SLC12A3: variants seen among roughly 807,000 people sequenced by gnomAD.
SLC12A3 encodes the protein solute carrier family 12 member 3.
SLC12A3 carries 104 observed loss-of-function variants against 121.0 expected under a neutral mutation model. That is an observed-to-expected ratio of 0.86 (90% confidence interval 0.73 to 1.01). The LOEUF is 1.01. Among genes scored for constraint, SLC12A3 ranks in the 50% least tolerant of loss-of-function variants. The pLI is 0.00. For synonymous variants in SLC12A3, 536 were observed against 533.4 expected, an observed-to-expected ratio of 1.00 and a Z score of -0.07; for missense variants, 1,328 against 1,356.3, an observed-to-expected ratio of 0.98 and a Z score of 0.33.
At chr16:56,894,454 A>T in intron 21 of SLC12A3, 77 bp from the exon 22 acceptor site, 1 of 1,009,548 alleles carries the variant, frequency 9.9e-7, no homozygotes, top group Non-Finnish European at 1.5e-6. Context: ...TGCTAATGGC[A>T]GAGCGGGGCA....
In SLC12A3 at chr16:56,889,634, C is replaced by T. The variant is rs1411937007; in HGVS notation, c.2286-640C>T. The stretch of plus-strand genomic sequence containing the variant: ...GATTACAGGTGCCCACCACCACGCC[C>T]GGCTAATTTTTGTACGTTTTAGTAG... On this transcript the variant is annotated intron_variant, in intron 18 of 25. Transcript: ENST00000563236. Among the ~76,000 whole-genome samples the T allele has an allele frequency of 3.9e-5, 6 of 152,256 alleles. No individual in the cohort carries two copies. The East Asian group carries it at 5.8e-4, about 15-fold the overall frequency.
Position 56,886,438 on chromosome 16 carries a change from G to A in SLC12A3, c.2000G>A (p.Arg667Gln), listed in dbSNP as rs753341636. The change falls in exon 16 of 26, where the codon CGG becomes CAG. Residue 667 changes from arginine to glutamine, a missense_variant. Arg to Gln is a conservative substitution (Grantham distance 43). Transcript: ENST00000563236. The part of the protein sequence containing the change: ...ALVDFVGTFT[R>Q]NLSLMICGHV... ...GTGGACTTTGTGGGCACCTTCACCC[G>A]GAACCTCAGCCTGATGATCTGTGGC... The A allele has an allele frequency of 2.6e-5, 42 of 1,613,918 alleles. No individual in the cohort carries two copies. Among genetic ancestry groups the A allele is most frequent in the African/African-American group, 9.3e-5 (7 of 74,934 alleles).
intron 8 of SLC12A3, among the ~76,000 whole-genome samples, chr16:56,874,103 C>T (rs143806001): frequency 1.5e-4 from 23 of 152,332 alleles, no homozygotes; most frequent in African/African-American, 4.8e-4. Context: ...TTGGGCCAAA[C>T]GCGTATCTGT....
At chr16:56,880,081 G>C (rs1316611663) in intron 11 of SLC12A3, 49 bp from the exon 12 acceptor site, 1 of 1,593,572 alleles carries the variant, frequency 6.3e-7, no homozygotes, top group African/African-American at 1.3e-5. Flanking sequence ...CAGGGGAGGG[G>C]AAGTGGCAGG....
At position 56,904,471 on chromosome 16, in the gene SLC12A3, T is replaced by A; in HGVS notation, c.2924+9T>A. ...GCTGCTCTCATCGTCATGTAAGTAG[T>A]GCCCGGCTGGTGGGAGGACCAGTCT... On this transcript the variant is annotated intron_variant, in intron 25 of 25. Coordinates refer to ENST00000563236, the MANE Select transcript of SLC12A3 (RefSeq NM_001126108.2). 6.2e-7 allele frequency: 1 copy of A among 1,613,392 alleles called. No homozygotes were observed. The highest frequency in any genetic ancestry group is 8.5e-7 in the Non-Finnish European group (1 of 1,179,396).
rs201871800 is a variant in SLC12A3, at chr16:56,870,685, G to A, written c.801G>A (p.Ser267=). The change falls in exon 6 of 26, where the codon TCG becomes TCA. Residue 267 remains serine (S), a synonymous_variant. Coordinates refer to ENST00000563236, the MANE Select transcript of SLC12A3 (RefSeq NM_001126108.2). ...ACATCCGCATCATTGCCGTGGTCTC[G>A]GTCACTGTGCTGCTGGCCATCTCCC... ...INDIRIIAVV[S]VTVLLAISLA... 42 of 1,614,014 alleles carry A rather than the reference G, an allele frequency of 2.6e-5. No individual in the cohort carries two copies. Among genetic ancestry groups the A allele is most frequent in the East Asian group, 2.5e-4 (11 of 44,884 alleles).
chr16:56,903,992 A>G (rs1044310686), intron 24 of SLC12A3, among the ~76,000 whole-genome samples: 1 of 152,170 alleles, frequency 6.6e-6, no homozygotes, highest in Non-Finnish European at 1.5e-5. Context: ...ATCCTCCCCA[A>G]ATTCCCCTGG....
At chr16:56,899,506 A>G (rs1207864984) in intron 22 of SLC12A3, 24 bp from the exon 23 acceptor site, 1 of 1,586,344 alleles carries the variant, frequency 6.3e-7, no homozygotes, top group East Asian at 2.2e-5. Context: ...AGTAATAACA[A>G]TAAACCCTCC....
intron 8 of SLC12A3, among the ~76,000 whole-genome samples, chr16:56,874,851 GTGAAGCCAGCGT>G (rs2055146358): frequency 6.6e-6 from 1 of 152,180 alleles, no homozygotes; most frequent in East Asian, 1.9e-4. Flanking sequence ...GGAGTCGACT[GTGAAGCCAGCGT>G]GGCTTTAAGC....
intron 25 of SLC12A3, among the ~76,000 whole-genome samples, chr16:56,908,161 C>CTTTTTTTTTTTTTTTTTTTTTTTTTTTTT (rs55644914): frequency 2.0e-4 from 19 of 96,962 alleles, no homozygotes; most frequent in East Asian, 2.7e-4. Context: ...AGTGATATAA[C>CTTTTTTTTTTTTTTTTTTTTTTTTTTTTT]TTTTTTTTTT....
At chr16:56,892,811 G>T in intron 20 of SLC12A3, 142 bp from the exon 21 acceptor site, 1 of 682,722 alleles carries the variant, frequency 1.5e-6, no homozygotes. Context: ...TCACAGCACT[G>T]AGCGTCCTGG....
At chr16:56,885,049 G>A (rs1168330497) in intron 14 of SLC12A3, among the ~76,000 whole-genome samples, 3 of 152,182 alleles carry the variant, frequency 2.0e-5, no homozygotes, top group Admixed American at 1.3e-4. Flanking sequence ...TTACAGGTGT[G>A]AGCCACCGTG....
At position 56,872,783 on chromosome 16, in the gene SLC12A3, C is replaced by T. The variant is rs1567429099; in HGVS notation, c.1092C>T (p.Leu364=). The T allele has an allele frequency of 1.2e-6, 2 of 1,614,214 alleles. No homozygotes were observed. The highest frequency in any genetic ancestry group is 1.1e-5 in the South Asian group (1 of 91,088). ...CAGGGGCCAACATATCTGGTGACCT[C>T]AAGGTGAGCAGAATACTTGCCCCTC... ...ILAGANISGD[L]KDPAIAIPKG... is the part of the protein sequence containing the mutation. The change falls in exon 8 of 26, where the codon CTC becomes CTT. Residue 364 remains leucine (L), a synonymous_variant. Transcript: ENST00000563236.
chr16:56,908,106 G>C (rs1444554545), intron 25 of SLC12A3, among the ~76,000 whole-genome samples: 1 of 130,032 alleles, frequency 7.7e-6, no homozygotes, highest in Non-Finnish European at 1.6e-5. Flanking sequence ...GTGCCAGTGT[G>C]TGCTTTTTTT....
At chr16:56,876,759 GC>G (rs1405942600) in intron 8 of SLC12A3, among the ~76,000 whole-genome samples, 1 of 152,228 alleles carries the variant, frequency 6.6e-6, no homozygotes, top group Non-Finnish European at 1.5e-5. Context: ...GAGCAGAACA[GC>G]CCAGGGAAGG....
At chr16:56,895,522 T>A (rs1183456386) in intron 22 of SLC12A3, among the ~76,000 whole-genome samples, 1 of 149,312 alleles carries the variant, frequency 6.7e-6, no homozygotes, top group African/African-American at 2.4e-5. Flanking sequence ...ATAAATATTT[T>A]ATATATATTT....
At position 56,865,527 on chromosome 16, in the gene SLC12A3, G is replaced by T. The variant is rs766767090; in HGVS notation, c.282+10G>T. 6.2e-7 allele frequency: 1 copy of T among 1,609,822 alleles called. No homozygotes were observed. ...GCACTCCTTCCTCAAGGTAAGTGCT[G>T]TCTCAGAAGACTGGCCACTTCCCTG... On this transcript the variant is annotated intron_variant, in intron 1 of 25. Coordinates refer to ENST00000563236, the MANE Select transcript of SLC12A3 (RefSeq NM_001126108.2).
In SLC12A3 at chr16:56,892,881, C is replaced by G. The variant is rs2278490; in HGVS notation, c.2420-72C>G. 34 of 1,246,786 alleles carry G rather than the reference C, an allele frequency of 2.7e-5. No individual in the cohort carries two copies. The East Asian group carries it at 5.7e-4, about 21-fold the overall frequency. The allele number at this position is 1,246,786 out of a possible 1,614,324, so 77.2% of individuals were successfully genotyped here. ...TGTTCAACATCAGAAGGGGCGTTGGCGGGGCCCTGGGCCAGGCCTGCCTGG... is the reference window on the plus strand; with the variant it reads ...TGTTCAACATCAGAAGGGGCGTTGGGGGGGCCCTGGGCCAGGCCTGCCTGG... On this transcript the variant is annotated intron_variant, in intron 20 of 25. Transcript: ENST00000563236.
intron 25 of SLC12A3, among the ~76,000 whole-genome samples, chr16:56,907,718 G>A (rs1418715845): frequency 6.6e-6 from 1 of 152,092 alleles, no homozygotes; most frequent in East Asian, 1.9e-4. Context: ...GCTCTCTGGG[G>A]CCTCTTTATA....
Sources: allele counts gnomAD v4.1 joint callset (sites outside exome capture counted in the v4.1 genomes callset), GRCh38; gene constraint gnomAD v4.1.1; transcripts MANE v1.5; gene names NCBI Gene and HGNC (gene_info 2026-07-23, HGNC 2026-07-21).